Variants in ADGRD1 observed in about 807,000 individuals in gnomAD.
ADGRD1 encodes adhesion G protein-coupled receptor D1.
A neutral mutation model predicts 113.4 loss-of-function variants in ADGRD1; 77 were observed. The observed-to-expected ratio is 0.68, with a 90% CI of 0.57 to 0.82. The LOEUF is 0.82. ADGRD1 is among the 40% of genes least tolerant of loss of function. The probability of loss-of-function intolerance (pLI) is 0.00; values close to 1 mark genes in which losing one functional copy is unlikely to be tolerated. For missense variants in ADGRD1, 1,036 were observed against 1,139.1 expected (o/e 0.91, Z 1.30); for synonymous variants, 474 against 475.0 (o/e 1.00, Z 0.03).
At chr12:131,122,687 C>A (rs1234567004) in intron 20 of ADGRD1, among the ~76,000 whole-genome samples, 1 of 152,128 alleles carries the variant, frequency 6.6e-6, no homozygotes, top group Non-Finnish European at 1.5e-5. Flanking sequence ...CCTTGTTCTC[C>A]CTTTCTCTCT....
At chr12:131,025,546 T>C (rs1437996152) in intron 13 of ADGRD1, 1 of 109,938 alleles carries the variant, frequency 9.1e-6, no homozygotes, top group African/African-American at 3.7e-5. Context: ...CCTTCTTTTC[T>C]TTTTTTTTTT....
chr12:131,021,162 C>G (rs1324577449), intron 13 of ADGRD1, among the ~76,000 whole-genome samples: 4 of 152,174 alleles, frequency 2.6e-5, no homozygotes, highest in Non-Finnish European at 5.9e-5. Context: ...TCCGTCTTCC[C>G]TGATGGTGGT....
At chr12:131,012,682 C>T (rs1289223607) in intron 12 of ADGRD1, among the ~76,000 whole-genome samples, 5 of 152,202 alleles carry the variant, frequency 3.3e-5, no homozygotes, top group East Asian at 3.9e-4. Context: ...TCACTGAACA[C>T]GGTGTTTGAA....
At chr12:131,114,704 C>T (rs1950422758) in intron 18 of ADGRD1, among the ~76,000 whole-genome samples, 3 of 151,320 alleles carry the variant, frequency 2.0e-5, no homozygotes, top group Non-Finnish European at 4.4e-5. Context: ...AGTTTTTGAG[C>T]AATATTATTT....
chr12:131,050,039 C>A lies in ADGRD1; in HGVS notation c.1474-26762C>A, dbSNP rs1226106529. On this transcript the variant is annotated intron_variant, in intron 13 of 24. Transcript: ENST00000261654. The surrounding 1 kb of genome is among the most constrained non-coding windows in gnomAD (Gnocchi z 4.8). ...TTGGCCCTCTACCTGGGAAACTGGG[C>A]ACGAATGCTTCTCTTGCATAGTGCT... Among the ~76,000 whole-genome samples, 1 of 152,182 alleles carries A rather than the reference C, an allele frequency of 6.6e-6. No homozygotes were observed.
intron 13 of ADGRD1, among the ~76,000 whole-genome samples, chr12:131,065,718 C>T (rs567892266): frequency 1.3e-5 from 2 of 152,188 alleles, no homozygotes; most frequent in East Asian, 1.9e-4. Context: ...TGTGATTCCT[C>T]GGTTGTTAGT....
intron 3 of ADGRD1, chr12:130,970,895 C>G (rs549152006): frequency 4.6e-5 from 7 of 152,338 alleles, no homozygotes; most frequent in African/African-American, 1.7e-4. Context: ...TGCTAAAATC[C>G]CGAATCTACC....
chr12:131,088,977 C>T (rs568927795), intron 15 of ADGRD1, among the ~76,000 whole-genome samples: 1 of 152,252 alleles, frequency 6.6e-6, no homozygotes, highest in East Asian at 1.9e-4. Context: ...TCCTCATTTC[C>T]GACAAGGCCC....
rs371058085 is a variant in ADGRD1, at chr12:131,035,216, C to A, written c.1473+20876C>A. 13 of 153,090 alleles carry A rather than the reference C, an allele frequency of 8.5e-5. No homozygotes were observed. The East Asian group carries it at 1.5e-3, about 18-fold the overall frequency. The allele number at this position is 153,090 out of a possible 1,614,324, so 9.5% of individuals were successfully genotyped here. ...TCCTGGTCGTCGTCCTGTCTCAGCTCTGCTGCCTCTCCTGGGGCCCTTTCC... is the reference window on the plus strand; with the variant it reads ...TCCTGGTCGTCGTCCTGTCTCAGCTATGCTGCCTCTCCTGGGGCCCTTTCC... On this transcript the variant is annotated intron_variant, in intron 13 of 24. Coordinates refer to ENST00000261654, the MANE Select transcript of ADGRD1 (RefSeq NM_198827.5).
chr12:131,097,276 G>A (rs1255931907), intron 15 of ADGRD1, among the ~76,000 whole-genome samples: 6 of 152,120 alleles, frequency 3.9e-5, no homozygotes, highest in Admixed American at 2.6e-4. Context: ...AGAGGGTGAT[G>A]GTCCCCCCAG....
At chr12:131,044,731 C>T (rs1882498732) in intron 13 of ADGRD1, among the ~76,000 whole-genome samples, 2 of 152,258 alleles carry the variant, frequency 1.3e-5, no homozygotes, top group Middle Eastern at 3.4e-3. Context: ...TCTGGGTGTG[C>T]GAGTTTCTTT....
Position 131,050,737 on chromosome 12 carries a change from A to G in ADGRD1, c.1474-26064A>G, listed in dbSNP as rs892441912. ...CCAGGGACTGGTTTCGTGGAAGACA[A>G]TTTTTGCACGGATGGGGTGGGGGAT... On this transcript the variant is annotated intron_variant, in intron 13 of 24. Coordinates refer to ENST00000261654, the MANE Select transcript of ADGRD1 (RefSeq NM_198827.5). This position sits in a 1 kb window ranked among gnomAD's most constrained non-coding sequence, Gnocchi z 4.8. Among the ~76,000 whole-genome samples the G allele has an allele frequency of 1.3e-5, 2 of 152,030 alleles. No individual in the cohort carries two copies. Among genetic ancestry groups the G allele is most frequent in the Admixed American group, 6.6e-5 (1 of 15,264 alleles).
At chr12:131,102,175 T>C (rs1202265826) in intron 15 of ADGRD1, among the ~76,000 whole-genome samples, 2 of 152,224 alleles carry the variant, frequency 1.3e-5, no homozygotes, top group Non-Finnish European at 2.9e-5. Flanking sequence ...TTGCTAATAA[T>C]GTCATGCGGA....
chr12:131,114,033 A>AT, intron 18 of ADGRD1, among the ~76,000 whole-genome samples: 1 of 152,226 alleles, frequency 6.6e-6, no homozygotes, highest in Non-Finnish European at 1.5e-5. Context: ...CATAAGCCAC[A>AT]GAAAAGACAG....
chr12:130,971,600 G>A lies in ADGRD1; in HGVS notation c.310+20G>A, dbSNP rs777549901. The A allele has an allele frequency of 3.5e-5, 56 of 1,584,872 alleles. No homozygotes were observed. The highest frequency in any genetic ancestry group is 1.8e-4 in the Middle Eastern group (1 of 5,656). On this transcript the variant is annotated intron_variant, in intron 4 of 24. Transcript: ENST00000261654. This position sits in a 1 kb window ranked among gnomAD's most constrained non-coding sequence, Gnocchi z 4.2. ...CTGAAGGTGAGTGGCTGATCCCTGC[G>A]GCATCTTTGTCAAGCATTTCATTCT... is the stretch of plus-strand genomic sequence containing the variant.
At chr12:130,992,666 C>T (rs896902353) in intron 8 of ADGRD1, among the ~76,000 whole-genome samples, 1 of 152,236 alleles carries the variant, frequency 6.6e-6, no homozygotes, top group Non-Finnish European at 1.5e-5. Flanking sequence ...ACCTGGCCCC[C>T]GCGGGCGTGT....
At chr12:131,119,313 G>A (rs1950536459) in intron 19 of ADGRD1, among the ~76,000 whole-genome samples, 1 of 152,242 alleles carries the variant, frequency 6.6e-6, no homozygotes, top group African/African-American at 2.4e-5. Flanking sequence ...TGAAGGCGAA[G>A]CATTTGTAGA....
intron 24 of ADGRD1, 133 bp from the exon 25 acceptor site, chr12:131,139,034 CT>C (rs1951180198): frequency 1.5e-6 from 1 of 653,244 alleles, no homozygotes; most frequent in Admixed American, 2.7e-5. Context: ...TGGGGGCTCC[CT>C]TCTCTCTGCA....
At chr12:130,975,268 T>A (rs1252121612) in intron 4 of ADGRD1, among the ~76,000 whole-genome samples, 1 of 152,134 alleles carries the variant, frequency 6.6e-6, no homozygotes, top group African/African-American at 2.4e-5. Flanking sequence ...TTGCTCCCCC[T>A]ACATTTCTTC....
Sources: allele counts gnomAD v4.1 joint callset (sites outside exome capture counted in the v4.1 genomes callset), GRCh38; gene constraint gnomAD v4.1.1; non-coding constraint Gnocchi (gnomAD v3.1); transcripts MANE v1.5; gene names NCBI Gene and HGNC (gene_info 2026-07-23, HGNC 2026-07-21).